Variants in PDE8B observed in about 807,000 individuals in gnomAD.
The protein encoded by PDE8B is high affinity cAMP-specific and IBMX-insensitive 3',5'-cyclic phosphodiesterase 8B.
PDE8B carries 26 observed loss-of-function variants against 101.3 expected under a neutral mutation model. The observed-to-expected ratio is 0.26, with a 90% CI of 0.19 to 0.36. The LOEUF is 0.36. Among genes scored for constraint, PDE8B ranks in the 10% least tolerant of loss-of-function variants. The pLI is 1.00. For missense variants in PDE8B, 810 were observed against 1,163.1 expected, an observed-to-expected ratio of 0.70 and a Z score of 4.42; for synonymous variants, 424 against 429.3, an observed-to-expected ratio of 0.99 and a Z score of 0.15.
chr5:77,324,048 A>C (rs1310893929), intron 2 of PDE8B, among the ~76,000 whole-genome samples: 1 of 152,166 alleles, frequency 6.6e-6, no homozygotes, highest in East Asian at 1.9e-4. Context: ...TAAGTGAAAC[A>C]CGTTTGGTGT....
At chr5:77,306,561 A>G (rs1771257779) in intron 1 of PDE8B, among the ~76,000 whole-genome samples, 1 of 152,188 alleles carries the variant, frequency 6.6e-6, no homozygotes, top group Admixed American at 6.5e-5. Context: ...AGGCCCTTGA[A>G]GGATGCGTTA....
chr5:77,099,324 C>T, the PDE8B span, among the ~76,000 whole-genome samples: 1 of 152,216 alleles, frequency 6.6e-6, no homozygotes, highest in Non-Finnish European at 1.5e-5. Flanking sequence ...AAAGTACAGA[C>T]TAGAGCTGAG....
At chr5:77,230,214 C>T (rs1023164739) in intron 1 of PDE8B, among the ~76,000 whole-genome samples, 2 of 152,200 alleles carry the variant, frequency 1.3e-5, no homozygotes, top group Non-Finnish European at 2.9e-5. Flanking sequence ...ATTAAATAAG[C>T]TCCCATAGGT....
At chr5:77,161,519 T>A in the PDE8B span, among the ~76,000 whole-genome samples, 1 of 151,890 alleles carries the variant, frequency 6.6e-6, no homozygotes, top group East Asian at 1.9e-4. Flanking sequence ...GAACAGGAGG[T>A]TTTTCAGTTT....
chr5:77,423,632 G>GTTTT (rs71594634), intron 20 of PDE8B, among the ~76,000 whole-genome samples: 803 of 73,954 alleles, frequency 0.011, 133 homozygotes, highest in African/African-American at 0.016. Flanking sequence ...GTTTTGTTTA[G>GTTTT]TTTTTTTTTT....
the PDE8B span, among the ~76,000 whole-genome samples, chr5:77,177,055 C>T: frequency 6.6e-6 from 1 of 151,518 alleles, no homozygotes; most frequent in Non-Finnish European, 1.5e-5. Flanking sequence ...TTTCTTCTTC[C>T]TTTTTCTCTC....
chr5:77,224,621 T>G (rs901367431), intron 1 of PDE8B, among the ~76,000 whole-genome samples: 3 of 152,242 alleles, frequency 2.0e-5, no homozygotes, highest in African/African-American at 7.2e-5. Context: ...TTAAAATAAT[T>G]TGTTAATATT....
At chr5:77,285,819 T>C (rs1231538340) in intron 1 of PDE8B, among the ~76,000 whole-genome samples, 1 of 152,176 alleles carries the variant, frequency 6.6e-6, no homozygotes, top group Non-Finnish European at 1.5e-5. Flanking sequence ...ACAATTTGTA[T>C]TGATGTATTC....
chr5:77,244,262 T>C (rs1236399203), intron 1 of PDE8B, among the ~76,000 whole-genome samples: 9 of 152,136 alleles, frequency 5.9e-5, no homozygotes, highest in Non-Finnish European at 1.0e-4. Context: ...ACTCCAGCTG[T>C]AGGCTCAGCT....
the PDE8B span, among the ~76,000 whole-genome samples, chr5:77,095,034 C>T: frequency 0.083 from 12,636 of 152,174 alleles, 1,612 homozygotes; most frequent in African/African-American, 0.27. Context: ...GACAGAGCCA[C>T]GTCAGCTCTG....
At chr5:77,134,032 A>G in the PDE8B span, among the ~76,000 whole-genome samples, 1 of 152,138 alleles carries the variant, frequency 6.6e-6, no homozygotes, top group Non-Finnish European at 1.5e-5. Flanking sequence ...GCCGATCTGT[A>G]GTCATGGAAG....
At chr5:77,131,876 C>T in the PDE8B span, among the ~76,000 whole-genome samples, 1 of 152,090 alleles carries the variant, frequency 6.6e-6, no homozygotes, top group African/African-American at 2.4e-5. Flanking sequence ...ACAAACAGTC[C>T]TGCAACTTAG....
intron 1 of PDE8B, among the ~76,000 whole-genome samples, chr5:77,280,948 A>G (rs909255219): frequency 6.6e-6 from 1 of 152,178 alleles, no homozygotes; most frequent in Non-Finnish European, 1.5e-5. Flanking sequence ...GACCACCACC[A>G]GTGCACAGAC....
intron 1 of PDE8B, chr5:77,214,074 A>C (rs1452035146): frequency 6.6e-6 from 1 of 152,236 alleles, no homozygotes; most frequent in South Asian, 2.1e-4. Context: ...CTTTTCAAAA[A>C]TAGTACTCCA....
At chr5:77,408,234 G>A (rs1257614817) in intron 13 of PDE8B, among the ~76,000 whole-genome samples, 1 of 152,180 alleles carries the variant, frequency 6.6e-6, no homozygotes, top group Non-Finnish European at 1.5e-5. Context: ...AGAGGAATGA[G>A]GAAAAGTATT....
chr5:77,293,119 T>C (rs956790532), intron 1 of PDE8B, among the ~76,000 whole-genome samples: 1 of 152,200 alleles, frequency 6.6e-6, no homozygotes, highest in Non-Finnish European at 1.5e-5. Context: ...CTCACTGATA[T>C]AAAATGACAT....
intron 3 of PDE8B, among the ~76,000 whole-genome samples, chr5:77,326,530 C>G (rs1263701566): frequency 6.6e-6 from 1 of 152,194 alleles, no homozygotes; most frequent in Non-Finnish European, 1.5e-5. Context: ...TTTCTTATCG[C>G]AGGCATCATC....
intron 1 of PDE8B, among the ~76,000 whole-genome samples, chr5:77,264,452 T>C (rs1000918536): frequency 4.6e-5 from 7 of 152,342 alleles, no homozygotes; most frequent in Non-Finnish European, 7.4e-5. Flanking sequence ...TTTATAATAG[T>C]GGGGACAATT....
the PDE8B span, among the ~76,000 whole-genome samples, chr5:77,090,042 A>G: frequency 6.6e-6 from 1 of 152,220 alleles, no homozygotes; most frequent in East Asian, 1.9e-4. Flanking sequence ...TCAGACACAG[A>G]AAGGCAAAAA....
Sources: gnomAD v4.1 joint callset for allele counts (sites outside exome capture counted in the v4.1 genomes callset) on GRCh38, gnomAD v4.1.1 for gene constraint, MANE v1.5 for transcripts, NCBI Gene and HGNC (gene_info 2026-07-23, HGNC 2026-07-21) for gene names.